Variants in ASIC2 observed in about 807,000 individuals in gnomAD.
ASIC2 encodes the protein acid-sensing ion channel 2.
ASIC2 carries 25 observed loss-of-function variants against 57.3 expected under a neutral mutation model. That is an observed-to-expected ratio of 0.44 (90% CI 0.32 to 0.61). The LOEUF is 0.61. ASIC2 is among the 20% of genes least tolerant of loss of function. ASIC2 has a pLI of 0.06. For missense variants in ASIC2, 641 were observed against 738.1 expected, an observed-to-expected ratio of 0.87 and a Z score of 1.52; for synonymous variants, 319 against 307.5, an observed-to-expected ratio of 1.04 and a Z score of -0.39.
At chr17:33,599,869 C>CACT (rs988365275) in intron 1 of ASIC2, among the ~76,000 whole-genome samples, 9 of 152,178 alleles carry the variant, frequency 5.9e-5, no homozygotes, top group African/African-American at 1.9e-4. Context: ...TCAGACTTCC[C>CACT]ACTACTCTCC....
chr17:33,146,218 C>T (rs1904556639), intron 1 of ASIC2, among the ~76,000 whole-genome samples: 1 of 152,206 alleles, frequency 6.6e-6, no homozygotes, highest in African/African-American at 2.4e-5. Context: ...AAAGCTACCA[C>T]CCACAGGACA....
At chr17:33,425,538 T>A (rs999214500) in intron 1 of ASIC2, among the ~76,000 whole-genome samples, 3 of 152,104 alleles carry the variant, frequency 2.0e-5, no homozygotes, top group African/African-American at 7.2e-5. Context: ...CCGTGGGGGT[T>A]CAGAGGATGG....
At chr17:33,113,355 C>G (rs966243933) in intron 1 of ASIC2, among the ~76,000 whole-genome samples, 2 of 152,230 alleles carry the variant, frequency 1.3e-5, no homozygotes, top group Non-Finnish European at 2.9e-5. Context: ...CAAAAGCTTT[C>G]TACAAATGCT....
intron 1 of ASIC2, among the ~76,000 whole-genome samples, chr17:33,410,137 A>G (rs4795779): frequency 0.66 from 99,858 of 152,008 alleles, 33,276 homozygotes; most frequent in East Asian, 0.8. Flanking sequence ...ACAGGTAGCA[A>G]TGAGGCTCTA....
intron 1 of ASIC2, among the ~76,000 whole-genome samples, chr17:33,518,251 C>A (rs751198320): frequency 1.3e-5 from 2 of 152,168 alleles, no homozygotes; most frequent in Non-Finnish European, 2.9e-5. Context: ...AAACAGATAC[C>A]TCCAGGATGT....
chr17:33,385,405 G>T (rs759761584), intron 1 of ASIC2, among the ~76,000 whole-genome samples: 9 of 152,048 alleles, frequency 5.9e-5, no homozygotes, highest in Admixed American at 3.9e-4. Flanking sequence ...GCATCCCACC[G>T]TCTGTCTTCA....
At chr17:33,409,798 C>A (rs755267871) in intron 1 of ASIC2, among the ~76,000 whole-genome samples, 3 of 152,174 alleles carry the variant, frequency 2.0e-5, no homozygotes, top group Non-Finnish European at 4.4e-5. Context: ...GCTTTAGGAA[C>A]AACTGATCCT....
chr17:33,240,338 TCTCAG>T (rs969865589), intron 1 of ASIC2, among the ~76,000 whole-genome samples: 1 of 152,112 alleles, frequency 6.6e-6, no homozygotes, highest in African/African-American at 2.4e-5. Context: ...TTTTTTTGGA[TCTCAG>T]CTCATTCCAG....
chr17:33,413,992 G>A (rs1341942907), intron 1 of ASIC2, among the ~76,000 whole-genome samples: 1 of 152,150 alleles, frequency 6.6e-6, no homozygotes, highest in Non-Finnish European at 1.5e-5. Context: ...GTTGCCTAAG[G>A]AGCATCATTT....
At chr17:33,604,645 G>C (rs1443411137) in intron 1 of ASIC2, among the ~76,000 whole-genome samples, 1 of 152,030 alleles carries the variant, frequency 6.6e-6, no homozygotes, top group Non-Finnish European at 1.5e-5. Flanking sequence ...AGAGGCGAGG[G>C]GGTTAGATTT....
At chr17:33,906,011 A>T (rs1490393660) in intron 1 of ASIC2, among the ~76,000 whole-genome samples, 18 of 132,558 alleles carry the variant, frequency 1.4e-4, no homozygotes, top group East Asian at 4.3e-4. Flanking sequence ...TTTTAATTAA[A>T]TTTTTTTTTT....
chr17:33,807,490 A>C (rs1297858637), intron 1 of ASIC2, among the ~76,000 whole-genome samples: 1 of 152,188 alleles, frequency 6.6e-6, no homozygotes, highest in East Asian at 1.9e-4. Flanking sequence ...ATCAATTACA[A>C]CACAAAACAC....
chr17:33,036,695 A>G (rs949115825), intron 3 of ASIC2, among the ~76,000 whole-genome samples: 1 of 152,100 alleles, frequency 6.6e-6, no homozygotes, highest in Non-Finnish European at 1.5e-5. Flanking sequence ...GGTGTGAGTC[A>G]TCATGCCCAG....
In ASIC2 at chr17:33,140,335, G is replaced by A. The variant is rs910585518; in HGVS notation, c.709-28268C>T. Among the ~76,000 whole-genome samples, 4 of 152,306 alleles carry A rather than the reference G, an allele frequency of 2.6e-5. No homozygotes were observed. The East Asian group carries it at 5.8e-4, about 22-fold the overall frequency. On this transcript the variant is annotated intron_variant, in intron 1 of 9. Coordinates refer to ENST00000225823, the MANE Select transcript of ASIC2 (RefSeq NM_183377.2). ...ACTCCCCAGTGCTGGGATAATTTTT[G>A]AGTACATCGGAGAAGCAACATGGTG...
intron 1 of ASIC2, among the ~76,000 whole-genome samples, chr17:33,717,217 G>A (rs977996640): frequency 6.6e-6 from 1 of 152,216 alleles, no homozygotes; most frequent in Admixed American, 6.5e-5. Context: ...ATGTTAATTT[G>A]ATGCAATGCA....
At chr17:33,379,439 A>T (rs549268228) in intron 1 of ASIC2, among the ~76,000 whole-genome samples, 1 of 152,304 alleles carries the variant, frequency 6.6e-6, no homozygotes, top group South Asian at 2.1e-4. Context: ...CTTTATCCAC[A>T]ACTGGTCTCC....
intron 1 of ASIC2, among the ~76,000 whole-genome samples, chr17:33,298,882 G>A (rs1462741000): frequency 6.6e-6 from 1 of 152,164 alleles, no homozygotes; most frequent in African/African-American, 2.4e-5. Context: ...CAATTTACAA[G>A]GGATGTGAAG....
chr17:33,785,473 C>A (rs1339595700), intron 1 of ASIC2, among the ~76,000 whole-genome samples: 1 of 152,182 alleles, frequency 6.6e-6, no homozygotes, highest in Non-Finnish European at 1.5e-5. Context: ...GTTACATAAT[C>A]TTCCCAAGTC....
chr17:33,086,420 T>C (rs991553428), intron 3 of ASIC2, among the ~76,000 whole-genome samples: 3 of 152,218 alleles, frequency 2.0e-5, no homozygotes, highest in Non-Finnish European at 4.4e-5. Context: ...AGATTTGCCA[T>C]GGACAACTAA....
Sources: allele counts gnomAD v4.1 joint callset (sites outside exome capture counted in the v4.1 genomes callset), GRCh38; gene constraint gnomAD v4.1.1; transcripts MANE v1.5; gene names NCBI Gene and HGNC (gene_info 2026-07-23, HGNC 2026-07-21).